PPM1A: variants seen among roughly 807,000 people sequenced by gnomAD.
PPM1A encodes the protein protein phosphatase 1A.
A neutral mutation model predicts 35.0 loss-of-function variants in PPM1A; 7 were observed. The observed-to-expected ratio is 0.20, with a 90% CI of 0.11 to 0.38. PPM1A has a LOEUF of 0.38. Among genes scored for constraint, PPM1A ranks in the 10% least tolerant of loss-of-function variants. PPM1A has a pLI of 1.00. For missense variants in PPM1A, 239 were observed against 467.8 expected (o/e 0.51, Z 4.51); for synonymous variants, 153 against 167.3 (o/e 0.91, Z 0.66).
chr14:60,286,592 C>T (rs138571709), intron 3 of PPM1A: 12 of 985,254 alleles, frequency 1.2e-5, no homozygotes, highest in Admixed American at 6.2e-5. Flanking sequence ...TTAATTTGCA[C>T]GTTAAAGACC....
intron 1 of PPM1A, among the ~76,000 whole-genome samples, chr14:60,281,861 A>T (rs964834726): frequency 6.6e-6 from 1 of 152,232 alleles, no homozygotes; most frequent in Non-Finnish European, 1.5e-5. Context: ...ATAGAGTATA[A>T]TAATAATGGT....
intron 1 of PPM1A, among the ~76,000 whole-genome samples, chr14:60,278,339 C>CT (rs36059694): frequency 0.34 from 47,103 of 138,924 alleles, 7,961 homozygotes; most frequent in South Asian, 0.44. Context: ...CTCCCAGTTT[C>CT]TTTTTTTTTT....
chr14:60,286,226 A>T (rs190724159), intron 3 of PPM1A: 1 of 986,060 alleles, frequency 1.0e-6, no homozygotes, highest in East Asian at 1.1e-4. Flanking sequence ...GCTTTAAAAA[A>T]TTTGCTTTAA....
At chr14:60,266,085 A>T (rs534977711) in intron 1 of PPM1A, among the ~76,000 whole-genome samples, 1 of 152,222 alleles carries the variant, frequency 6.6e-6, no homozygotes, top group Non-Finnish European at 1.5e-5. Context: ...TAATTTTTTA[A>T]TCTTTGAGAA....
intron 3 of PPM1A, chr14:60,287,732 T>G (rs1398543643): frequency 1.0e-6 from 1 of 984,626 alleles, no homozygotes. Flanking sequence ...CTTGACTCTC[T>G]GGGGGTGTGA....
intron 1 of PPM1A, among the ~76,000 whole-genome samples, chr14:60,253,545 A>G (rs1161548085): frequency 6.6e-6 from 1 of 152,170 alleles, no homozygotes; most frequent in Non-Finnish European, 1.5e-5. Flanking sequence ...TCAAAAGCTA[A>G]ACATTAACAC....
Position 60,288,156 on chromosome 14 carries a change from G to T in PPM1A, c.953-1650G>T, listed in dbSNP as rs1449512963. 3.0e-6 allele frequency: 3 copies of T among 984,956 alleles called. No individual in the cohort carries two copies. In the African/African-American group the frequency reaches 5.2e-5, roughly 17 times the overall value. 61.0% of individuals were successfully genotyped at this position (984,956 alleles called of 1,614,324 possible). On this transcript the variant is annotated intron_variant, in intron 3 of 5. Coordinates refer to ENST00000395076, the MANE Select transcript of PPM1A (RefSeq NM_021003.5). ...ATGCGTTGTCCCACGTGGAACAGGAGATATTAACTGTTTTTAAAGCTTTAC... is the reference window on the plus strand; with the variant it reads ...ATGCGTTGTCCCACGTGGAACAGGATATATTAACTGTTTTTAAAGCTTTAC...
chr14:60,253,658 T>G (rs1316648461), intron 1 of PPM1A, among the ~76,000 whole-genome samples: 4 of 152,342 alleles, frequency 2.6e-5, no homozygotes, highest in Admixed American at 2.6e-4. Flanking sequence ...AGAAAAGATT[T>G]AAGAAATTAA....
intron 1 of PPM1A, among the ~76,000 whole-genome samples, chr14:60,269,649 A>G (rs996040778): frequency 1.3e-5 from 2 of 152,096 alleles, no homozygotes; most frequent in Non-Finnish European, 2.9e-5. Flanking sequence ...CCTGGGTTCA[A>G]GTGATTCTCC....
Position 60,289,926 on chromosome 14 carries a change from T to C in PPM1A, c.1061+12T>C. 6.7e-7 allele frequency: 1 copy of C among 1,496,994 alleles called. No individual in the cohort carries two copies. Among genetic ancestry groups the C allele is most frequent in the East Asian group, 2.4e-5 (1 of 42,502 alleles). The allele number at this position is 1,496,994 out of a possible 1,614,324, so 92.7% of individuals were successfully genotyped here. ...GAATTGGCAAGCAAGTAAGTTACAT[T>C]CTGTACACTCTTATGCTTTATGTCA... On this transcript the variant is annotated intron_variant, in intron 4 of 5. Transcript: ENST00000395076. The surrounding 1 kb of genome is among the most constrained non-coding windows in gnomAD (Gnocchi z 4.1).
At chr14:60,284,598 C>T (rs1399857074) in intron 2 of PPM1A, among the ~76,000 whole-genome samples, 8 of 148,926 alleles carry the variant, frequency 5.4e-5, no homozygotes, top group African/African-American at 2.0e-4. Flanking sequence ...GCCGAGATCG[C>T]GCCACTGCAC....
At chr14:60,288,229 A>G (rs1354728856) in intron 3 of PPM1A, 11 of 972,068 alleles carry the variant, frequency 1.1e-5, no homozygotes, top group Non-Finnish European at 1.2e-5. Flanking sequence ...CTTCACAGTT[A>G]AAATATCCTA....
chr14:60,270,617 TATC>T, intron 1 of PPM1A, among the ~76,000 whole-genome samples: 1 of 152,376 alleles, frequency 6.6e-6, no homozygotes, highest in Admixed American at 6.5e-5. Context: ...TTATTTTAGT[TATC>T]ATATTTCATT....
Position 60,292,372 on chromosome 14 carries a change from T to C in PPM1A, c.1120-81T>C. On this transcript the variant is annotated intron_variant, in intron 5 of 5. Coordinates refer to ENST00000395076, the MANE Select transcript of PPM1A (RefSeq NM_021003.5). The surrounding 1 kb of genome is among the most constrained non-coding windows in gnomAD (Gnocchi z 4.2). ...AGTCATCTTTACAGAACATTATCTT[T>C]CTCCATTATCCAGAAAGTATGGTGT... 1 of 1,040,728 alleles carries C rather than the reference T, an allele frequency of 9.6e-7. No individual in the cohort carries two copies. The highest frequency in any genetic ancestry group is 1.5e-6 in the Non-Finnish European group (1 of 672,312). The allele number at this position is 1,040,728 out of a possible 1,614,324, so 64.5% of individuals were successfully genotyped here.
intron 1 of PPM1A, among the ~76,000 whole-genome samples, chr14:60,261,283 C>A (rs779478181): frequency 3.3e-5 from 5 of 152,096 alleles, no homozygotes; most frequent in Non-Finnish European, 7.4e-5. Flanking sequence ...TTGTTGGCAT[C>A]AGAATAAATC....
intron 3 of PPM1A, chr14:60,287,039 G>A (rs1887094007): frequency 7.5e-6 from 7 of 935,772 alleles, no homozygotes; most frequent in Non-Finnish European, 7.6e-6. Context: ...AGAATAATAT[G>A]TATAGGGATA....
rs577029095 is a variant in PPM1A at position 60,289,104 on chromosome 14, G to C, written c.953-702G>C. ...AAATTATTTTAAATGCAGTTGTATG[G>C]TTTATCAAATGGTTCTCTTTTTAAA... On this transcript the variant is annotated intron_variant, in intron 3 of 5. Transcript: ENST00000395076. This position sits in a 1 kb window ranked among gnomAD's most constrained non-coding sequence, Gnocchi z 4.1. Among the ~76,000 whole-genome samples the C allele has an allele frequency of 6.6e-6, 1 of 152,122 alleles. No homozygotes were observed. The highest frequency in any genetic ancestry group is 1.9e-4 in the East Asian group (1 of 5,184).
intron 1 of PPM1A, among the ~76,000 whole-genome samples, chr14:60,276,674 T>G (rs1290129769): frequency 6.6e-6 from 1 of 152,224 alleles, no homozygotes; most frequent in African/African-American, 2.4e-5. Context: ...ACTCAACTTT[T>G]TAAGGTTTCT....
At chr14:60,267,734 CA>C in intron 1 of PPM1A, among the ~76,000 whole-genome samples, 1 of 152,078 alleles carries the variant, frequency 6.6e-6, no homozygotes, top group East Asian at 1.9e-4. Context: ...TTAAAATTTG[CA>C]AAAATAATAC....
Sources: gnomAD v4.1 joint callset for allele counts (sites outside exome capture counted in the v4.1 genomes callset) on GRCh38, gnomAD v4.1.1 for gene constraint, Gnocchi (gnomAD v3.1) non-coding constraint, MANE v1.5 for transcripts, NCBI Gene and HGNC (gene_info 2026-07-23, HGNC 2026-07-21) for gene names.